Variants in ZNF536 observed in about 807,000 individuals in gnomAD.
ZNF536 encodes zinc finger protein 536.
A neutral mutation model predicts 84.5 loss-of-function variants in ZNF536; 13 were observed. The observed-to-expected ratio is 0.15, with a 90% CI of 0.10 to 0.24. ZNF536 has a LOEUF of 0.24. Among genes scored for constraint, ZNF536 ranks in the 10% least tolerant of loss-of-function variants. The pLI is 1.00. For synonymous variants in ZNF536, 811 were observed against 742.5 expected, an observed-to-expected ratio of 1.09 and a Z score of -1.50; for missense variants, 1,536 against 1,747.5, an observed-to-expected ratio of 0.88 and a Z score of 2.16.
chr19:30,239,037 C>T (rs1472385618), intron 1 of ZNF536, among the ~76,000 whole-genome samples: 1 of 152,140 alleles, frequency 6.6e-6, no homozygotes, highest in Non-Finnish European at 1.5e-5. Context: ...TTACTTTCTC[C>T]CACAGAGGAA....
intron 1 of ZNF536, among the ~76,000 whole-genome samples, chr19:30,604,813 T>C (rs556080063): frequency 6.6e-6 from 1 of 152,220 alleles, no homozygotes; most frequent in East Asian, 1.9e-4. Context: ...TGGCCTGAGG[T>C]TGCACAGCAA....
At chr19:30,246,409 G>A (rs571070221) in intron 1 of ZNF536, among the ~76,000 whole-genome samples, 3 of 152,264 alleles carry the variant, frequency 2.0e-5, no homozygotes, top group South Asian at 4.1e-4. Context: ...ATCCTTCTGC[G>A]GCATCAAATG....
chr19:30,506,093 C>T (rs1947114495), intron 2 of ZNF536, among the ~76,000 whole-genome samples: 1 of 151,572 alleles, frequency 6.6e-6, no homozygotes, highest in South Asian at 2.1e-4. Context: ...TTCCTATTTA[C>T]AGCAGCAGGT....
chr19:30,582,568 T>C (rs2046958985), intron 1 of ZNF536, among the ~76,000 whole-genome samples: 1 of 151,972 alleles, frequency 6.6e-6, no homozygotes, highest in Admixed American at 6.6e-5. Flanking sequence ...TTTTTTTATT[T>C]TTTATAGAGA....
At chr19:30,508,070 G>C (rs2055244759) in intron 2 of ZNF536, among the ~76,000 whole-genome samples, 1 of 152,180 alleles carries the variant, frequency 6.6e-6, no homozygotes, top group Non-Finnish European at 1.5e-5. Flanking sequence ...GTTTTCCATG[G>C]AACAGGGCCT....
chr19:30,261,370 T>C (rs1448888962), intron 1 of ZNF536, among the ~76,000 whole-genome samples: 1 of 150,416 alleles, frequency 6.6e-6, no homozygotes, highest in African/African-American at 2.4e-5. Context: ...CAGATGCTAT[T>C]GCTTAAGGTG....
At chr19:30,429,292 G>A (rs2051347543) in intron 1 of ZNF536, among the ~76,000 whole-genome samples, 1 of 152,176 alleles carries the variant, frequency 6.6e-6, no homozygotes, top group African/African-American at 2.4e-5. Context: ...TGGTGGATGT[G>A]TCATCATCAC....
intron 1 of ZNF536, among the ~76,000 whole-genome samples, chr19:30,264,892 CG>C (rs986537051): frequency 2.0e-5 from 3 of 148,338 alleles, no homozygotes; most frequent in Non-Finnish European, 4.4e-5. Context: ...AAAGATAAAC[CG>C]GGGGGATTAA....
At chr19:30,529,324 C>G (rs1404443771) in intron 2 of ZNF536, among the ~76,000 whole-genome samples, 4 of 152,140 alleles carry the variant, frequency 2.6e-5, no homozygotes, top group African/African-American at 4.8e-5. Context: ...AGATAGCCAA[C>G]CTCAGGGGTG....
At chr19:30,636,814 C>CG (rs1424352799) in intron 1 of ZNF536, among the ~76,000 whole-genome samples, 2 of 152,102 alleles carry the variant, frequency 1.3e-5, no homozygotes, top group Non-Finnish European at 2.9e-5. Flanking sequence ...GGCCTGGGGA[C>CG]GGGGGCAGGC....
chr19:30,606,182 A>T (rs2047863069), intron 1 of ZNF536, among the ~76,000 whole-genome samples: 1 of 137,228 alleles, frequency 7.3e-6, no homozygotes, highest in Non-Finnish European at 1.6e-5. Context: ...AATAAAATAA[A>T]ATAAAATAAA....
chr19:30,621,874 T>C lies in ZNF536; in HGVS notation c.169+72360T>C, dbSNP rs909345524. ...TCTCTCTCTTTCAAACCCTCTCCTC[T>C]TCAGGCTTCTTTCCTTGATTAATTT... is the stretch of plus-strand genomic sequence containing the variant. On this transcript the variant is annotated intron_variant, in intron 1 of 1. Transcript: ENST00000592773. Among the ~76,000 whole-genome samples the C allele has an allele frequency of 2.0e-5, 3 of 152,254 alleles. No individual in the cohort carries two copies. In the South Asian group the frequency reaches 6.2e-4, roughly 31 times the overall value.
intron 1 of ZNF536, among the ~76,000 whole-genome samples, chr19:30,271,303 T>C (rs1377790135): frequency 2.1e-5 from 3 of 145,646 alleles, no homozygotes; most frequent in Non-Finnish European, 3.0e-5. Flanking sequence ...TCTTTTCTTT[T>C]TTTTTTTTTT....
chr19:30,702,473 C>A (rs181961402), intron 1 of ZNF536, among the ~76,000 whole-genome samples: 2 of 152,144 alleles, frequency 1.3e-5, no homozygotes, highest in Non-Finnish European at 2.9e-5. Flanking sequence ...GGGGGGGCCC[C>A]CATCTGGCCA....
intron 1 of ZNF536, among the ~76,000 whole-genome samples, chr19:30,375,615 A>C (rs1200297377): frequency 6.6e-6 from 1 of 152,132 alleles, no homozygotes; most frequent in African/African-American, 2.4e-5. Flanking sequence ...GTGTGGGGGT[A>C]GGGGCAGGTG....
chr19:30,328,257 C>T (rs1045482922), intron 2 of ZNF536, among the ~76,000 whole-genome samples: 1 of 152,228 alleles, frequency 6.6e-6, no homozygotes, highest in Non-Finnish European at 1.5e-5. Flanking sequence ...CAGAGAAAGA[C>T]TTGGGCCTCC....
chr19:30,226,740 A>G (rs1224372045), upstream of ZNF536, among the ~76,000 whole-genome samples: 3 of 152,158 alleles, frequency 2.0e-5, no homozygotes, highest in Admixed American at 2.0e-4. This position sits in a 1 kb window ranked among gnomAD's most constrained non-coding sequence, Gnocchi z 4.6. Context: ...GGCTGGAGAA[A>G]TGAGGCCAAT....
chr19:30,257,949 C>T (rs2024998044), intron 1 of ZNF536, among the ~76,000 whole-genome samples: 1 of 152,162 alleles, frequency 6.6e-6, no homozygotes, highest in South Asian at 2.1e-4. Context: ...CACAAGCAAG[C>T]CATCCTGTCA....
chr19:30,710,362 C>T (rs1463256773), intron 1 of ZNF536, among the ~76,000 whole-genome samples: 1 of 152,108 alleles, frequency 6.6e-6, no homozygotes, highest in Admixed American at 6.5e-5. Context: ...GGCAACATAG[C>T]GAGATCCTGT....
Sources: gnomAD v4.1 joint callset for allele counts (sites outside exome capture counted in the v4.1 genomes callset) on GRCh38, gnomAD v4.1.1 for gene constraint, Gnocchi (gnomAD v3.1) non-coding constraint, MANE v1.5 for transcripts, NCBI Gene and HGNC (gene_info 2026-07-23, HGNC 2026-07-21) for gene names.